The following RBFOX1 variants were observed in gnomAD, a reference collection of about 807,000 sequenced individuals.
RBFOX1 encodes RNA binding fox-1 homolog 1.
In RBFOX1, 8 loss-of-function variants were observed where a neutral mutation model predicts 57.7. That is an observed-to-expected ratio of 0.14 (90% CI 0.08 to 0.25). The LOEUF (loss-of-function observed/expected upper bound fraction) is 0.25. Ranked by LOEUF, RBFOX1 falls within the 10% of genes least tolerant of loss-of-function variation. RBFOX1 has a pLI of 1.00. For missense variants in RBFOX1, 611 were observed against 548.5 expected (o/e 1.11, Z -1.14); for synonymous variants, 326 against 222.4 (o/e 1.47, Z -4.15).
chr16:5,327,412 G>C (rs1378780700), intron 1 of RBFOX1, among the ~76,000 whole-genome samples: 1 of 152,202 alleles, frequency 6.6e-6, no homozygotes, highest in Non-Finnish European at 1.5e-5. Context: ...GTTTAAAATA[G>C]GATGCATGCT....
chr16:5,321,797 G>A (rs929660164), intron 1 of RBFOX1, among the ~76,000 whole-genome samples: 4 of 152,116 alleles, frequency 2.6e-5, no homozygotes, highest in Non-Finnish European at 4.4e-5. Context: ...GGCGTGTGGC[G>A]TCTGTGACTC....
intron 4 of RBFOX1, among the ~76,000 whole-genome samples, chr16:7,281,527 G>A (rs1164543495): frequency 1.3e-5 from 2 of 152,032 alleles, no homozygotes; most frequent in South Asian, 2.1e-4. Context: ...CACACACAAA[G>A]AGACCATTAT....
At chr16:6,302,556 A>G (rs934088967) in intron 1 of RBFOX1, among the ~76,000 whole-genome samples, 4 of 152,152 alleles carry the variant, frequency 2.6e-5, no homozygotes, top group African/African-American at 7.2e-5. Flanking sequence ...CACGTAGTAT[A>G]TCTATCTTGG....
At chr16:5,405,921 G>C (rs1364162824) in intron 1 of RBFOX1, among the ~76,000 whole-genome samples, 3 of 152,156 alleles carry the variant, frequency 2.0e-5, no homozygotes, top group Non-Finnish European at 1.5e-5. Flanking sequence ...ACAGGAGTCA[G>C]TAGGGAGAAC....
intron 4 of RBFOX1, among the ~76,000 whole-genome samples, chr16:7,176,793 C>T (rs2081749325): frequency 6.6e-6 from 1 of 151,926 alleles, no homozygotes; most frequent in Admixed American, 6.6e-5. Context: ...TATGTACTTA[C>T]CTATACACAT....
intron 4 of RBFOX1, among the ~76,000 whole-genome samples, chr16:7,428,255 C>G (rs62015739): frequency 0.026 from 3,926 of 151,510 alleles, 56 homozygotes; most frequent in Middle Eastern, 0.041. Context: ...GGCATATCGT[C>G]ACTGCAGTCA....
chr16:7,208,583 C>A (rs187780197), intron 4 of RBFOX1, among the ~76,000 whole-genome samples: 98 of 152,200 alleles, frequency 6.4e-4, no homozygotes, highest in African/African-American at 2.3e-3. Context: ...TACCTGTAAC[C>A]CCAGCAATTT....
intron 2 of RBFOX1, among the ~76,000 whole-genome samples, chr16:5,537,818 C>A (rs1016915110): frequency 3.9e-5 from 6 of 152,194 alleles, no homozygotes; most frequent in South Asian, 2.1e-4. Context: ...AGATAATCTC[C>A]TTCTCTCAAG....
intron 1 of RBFOX1, among the ~76,000 whole-genome samples, chr16:5,412,980 G>C (rs977684182): frequency 6.6e-6 from 1 of 152,230 alleles, no homozygotes; most frequent in South Asian, 2.1e-4. Flanking sequence ...ACGCAGGTGG[G>C]GTGGAGCTGG....
chr16:5,746,619 C>T (rs994158837), intron 3 of RBFOX1, among the ~76,000 whole-genome samples: 3 of 152,138 alleles, frequency 2.0e-5, no homozygotes, highest in African/African-American at 7.2e-5. Context: ...TTTCATTGAG[C>T]AGTTGTTTGT....
intron 1 of RBFOX1, among the ~76,000 whole-genome samples, chr16:6,158,087 CG>C (rs1384815138): frequency 6.6e-6 from 1 of 152,112 alleles, no homozygotes; most frequent in African/African-American, 2.4e-5. Flanking sequence ...GGAGATTCCC[CG>C]AGATAAAACC....
chr16:6,189,888 G>C (rs1475239103), intron 1 of RBFOX1, among the ~76,000 whole-genome samples: 1 of 152,126 alleles, frequency 6.6e-6, no homozygotes, highest in African/African-American at 2.4e-5. Flanking sequence ...GTCCATGTTT[G>C]CTTTGGTTGC....
intron 1 of RBFOX1, among the ~76,000 whole-genome samples, chr16:6,185,176 G>T (rs2097097107): frequency 6.6e-6 from 1 of 151,998 alleles, no homozygotes. Flanking sequence ...ATGTGCACAG[G>T]CTCTAATATA....
At chr16:5,879,886 C>T (rs1489096565) in intron 4 of RBFOX1, among the ~76,000 whole-genome samples, 1 of 152,192 alleles carries the variant, frequency 6.6e-6, no homozygotes, top group Non-Finnish European at 1.5e-5. Context: ...TCTCTCTTGA[C>T]CTTTTCATTG....
intron 2 of RBFOX1, among the ~76,000 whole-genome samples, chr16:6,482,460 C>T (rs1272486831): frequency 3.9e-5 from 6 of 152,146 alleles, no homozygotes; most frequent in Non-Finnish European, 7.4e-5. Flanking sequence ...CTATTAACAA[C>T]AGCAACAAAA....
At chr16:5,279,289 TTTTTTG>T (rs796985604) in intron 1 of RBFOX1, among the ~76,000 whole-genome samples, 63 of 152,176 alleles carry the variant, frequency 4.1e-4, no homozygotes, top group African/African-American at 7.2e-4. Flanking sequence ...ATTGTCGAGG[TTTTTTG>T]TTTTTGTTTT....
intron 3 of RBFOX1, among the ~76,000 whole-genome samples, chr16:7,041,250 A>G (rs1442764059): frequency 6.6e-6 from 1 of 152,002 alleles, no homozygotes; most frequent in East Asian, 1.9e-4. Flanking sequence ...ATAAAATTTT[A>G]TTGGAACACA....
At chr16:6,851,921 A>G (rs953350628) in intron 3 of RBFOX1, among the ~76,000 whole-genome samples, 1 of 127,186 alleles carries the variant, frequency 7.9e-6, no homozygotes, top group Admixed American at 9.3e-5. Context: ...ATTAGTTTCC[A>G]TTGGGTTTTT....
intron 2 of RBFOX1, among the ~76,000 whole-genome samples, chr16:6,612,146 C>A (rs78899476): frequency 0.015 from 2,313 of 152,200 alleles, 62 homozygotes; most frequent in African/African-American, 0.052. Context: ...TAAGAATTTG[C>A]TCATCTTTTA....
Sources: allele counts gnomAD v4.1 joint callset (sites outside exome capture counted in the v4.1 genomes callset), GRCh38; gene constraint gnomAD v4.1.1; transcripts MANE v1.5; gene names NCBI Gene and HGNC (gene_info 2026-07-23, HGNC 2026-07-21).